RBFOX1: variants seen among roughly 807,000 people sequenced by gnomAD.
The protein encoded by RBFOX1 is RNA binding fox-1 homolog 1, also known as RNA binding protein fox-1 homolog 1.
Under a neutral mutation model 57.7 loss-of-function variants are expected in RBFOX1, and 8 were observed. The observed-to-expected ratio is 0.14, with a 90% CI of 0.08 to 0.25. The LOEUF (loss-of-function observed/expected upper bound fraction) is 0.25. RBFOX1 is among the 10% of genes least tolerant of loss of function. The pLI is 1.00. For missense variants in RBFOX1, 611 were observed against 548.5 expected (o/e 1.11, Z -1.14); for synonymous variants, 326 against 222.4 (o/e 1.47, Z -4.15).
intron 4 of RBFOX1, among the ~76,000 whole-genome samples, chr16:7,420,040 G>A (rs189278158): frequency 6.7e-6 from 1 of 149,790 alleles, no homozygotes; most frequent in East Asian, 2.0e-4. Context: ...TGTTGTCACT[G>A]TTTCTTTTCA....
chr16:6,483,522 C>A, intron 2 of RBFOX1: 1 of 1,535,650 alleles, frequency 6.5e-7, no homozygotes, highest in Non-Finnish European at 8.7e-7. Context: ...CAGCTAATTG[C>A]AGTCGTGGGA....
At chr16:6,289,029 A>G (rs996816076) in intron 1 of RBFOX1, among the ~76,000 whole-genome samples, 3 of 152,132 alleles carry the variant, frequency 2.0e-5, no homozygotes, top group Non-Finnish European at 4.4e-5. Context: ...TCTGAACAGA[A>G]TGAGCTTTTA....
chr16:6,925,183 G>C (rs1245650047), intron 3 of RBFOX1, among the ~76,000 whole-genome samples: 2 of 114,308 alleles, frequency 1.7e-5, no homozygotes, highest in Non-Finnish European at 3.3e-5. Context: ...GCCTAGACTG[G>C]AGTGCAGTGG....
At chr16:6,442,949 A>G (rs1244413969) in intron 2 of RBFOX1, among the ~76,000 whole-genome samples, 1 of 152,210 alleles carries the variant, frequency 6.6e-6, no homozygotes, top group Non-Finnish European at 1.5e-5. Context: ...ATAAAAATGT[A>G]TCTTTCTGAG....
intron 3 of RBFOX1, among the ~76,000 whole-genome samples, chr16:6,857,063 G>A (rs946597135): frequency 6.6e-6 from 1 of 152,086 alleles, no homozygotes; most frequent in Non-Finnish European, 1.5e-5. Context: ...ATCATTGCTG[G>A]CTGGTTGTCT....
At chr16:6,562,894 T>A (rs1035653786) in intron 2 of RBFOX1, among the ~76,000 whole-genome samples, 1 of 145,162 alleles carries the variant, frequency 6.9e-6, no homozygotes, top group African/African-American at 2.6e-5. Context: ...TTTTTTTTTT[T>A]TTTTGCATAG....
At chr16:5,394,164 T>C (rs1472597195) in intron 1 of RBFOX1, among the ~76,000 whole-genome samples, 1 of 152,034 alleles carries the variant, frequency 6.6e-6, no homozygotes, top group African/African-American at 2.4e-5. Context: ...GCTGGAATTA[T>C]AGGCATGCAC....
intron 4 of RBFOX1, among the ~76,000 whole-genome samples, chr16:7,398,400 A>T (rs990813696): frequency 6.6e-6 from 1 of 152,182 alleles, no homozygotes; most frequent in Admixed American, 6.5e-5. Context: ...AAGATGTAAG[A>T]TTTTGTTAAT....
intron 4 of RBFOX1, among the ~76,000 whole-genome samples, chr16:7,362,336 T>A (rs1293450656): frequency 6.6e-6 from 1 of 151,226 alleles, no homozygotes; most frequent in South Asian, 2.1e-4. Context: ...TTTGTGTGTA[T>A]GTTAGTGTAT....
chr16:7,264,439 T>C (rs1261950973), intron 4 of RBFOX1, among the ~76,000 whole-genome samples: 3 of 152,192 alleles, frequency 2.0e-5, no homozygotes, highest in Admixed American at 1.3e-4. Flanking sequence ...GTCCAGTGTC[T>C]TGCTCAAACT....
At chr16:7,252,654 G>T (rs1013363214) in intron 4 of RBFOX1, among the ~76,000 whole-genome samples, 2 of 150,960 alleles carry the variant, frequency 1.3e-5, no homozygotes, top group Non-Finnish European at 2.9e-5. Flanking sequence ...ACTCATTGGT[G>T]TCAGCTACTT....
intron 3 of RBFOX1, among the ~76,000 whole-genome samples, chr16:6,921,467 C>T (rs559053324): frequency 1.1e-4 from 16 of 152,144 alleles, no homozygotes; most frequent in African/African-American, 2.9e-4. Context: ...TGACTGTTGG[C>T]CATAAACCAT....
At chr16:6,465,574 C>T (rs533737737) in intron 2 of RBFOX1, among the ~76,000 whole-genome samples, 83 of 150,876 alleles carry the variant, frequency 5.5e-4, no homozygotes, top group African/African-American at 2.0e-3. Flanking sequence ...AGATCAGAGT[C>T]TTCTCAGTTA....
In RBFOX1 at chr16:6,301,798, A is replaced by G. The variant is rs527957985; in HGVS notation, c.-126-15197A>G. Among the ~76,000 whole-genome samples the G allele has an allele frequency of 4.6e-5, 7 of 152,334 alleles. No individual in the cohort carries two copies. In the South Asian group the frequency reaches 1.4e-3, roughly 32 times the overall value. On this transcript the variant is annotated intron_variant, in intron 1 of 15. Transcript: ENST00000550418. ...ATCTGGACCCAAAACATGAGGCTTT[A>G]CCTATTAAAAGTTAAGAATATTTAT... is the stretch of plus-strand genomic sequence containing the variant.
At chr16:6,362,164 C>G (rs2088667242) in intron 2 of RBFOX1, among the ~76,000 whole-genome samples, 1 of 152,020 alleles carries the variant, frequency 6.6e-6, no homozygotes, top group Admixed American at 6.6e-5. Context: ...CAAAACAAGT[C>G]CTGCCCACCC....
Position 6,718,284 on chromosome 16 carries a change from G to C in RBFOX1, c.-16+63634G>C, listed in dbSNP as rs1224095784. Reference sequence around the variant, plus strand: ...TGGCACTATTCCACGTGCTGGGGTTGGAGTGGTGAATGGAACAGACGTGCC... The same window carrying C: ...TGGCACTATTCCACGTGCTGGGGTTCGAGTGGTGAATGGAACAGACGTGCC... On this transcript the variant is annotated intron_variant, in intron 3 of 15. Coordinates refer to ENST00000550418, the MANE Select transcript of RBFOX1 (RefSeq NM_018723.4). 2.0e-5 allele frequency among the ~76,000 whole-genome samples: 3 copies of C among 152,144 alleles called. No individual in the cohort carries two copies. The East Asian group carries it at 5.8e-4, about 29-fold the overall frequency.
chr16:5,861,338 G>C (rs971840389), intron 3 of RBFOX1, among the ~76,000 whole-genome samples: 3 of 152,186 alleles, frequency 2.0e-5, no homozygotes, highest in Non-Finnish European at 1.5e-5. Flanking sequence ...ATGTGAGCTG[G>C]AATGATGCAT....
intron 11 of RBFOX1, among the ~76,000 whole-genome samples, chr16:7,637,305 T>C (rs1313408483): frequency 6.6e-6 from 1 of 151,624 alleles, no homozygotes; most frequent in Non-Finnish European, 1.5e-5. Context: ...AAAGATATCA[T>C]GGGCAAATGC....
chr16:6,291,468 A>G (rs2077459004), intron 1 of RBFOX1, among the ~76,000 whole-genome samples: 1 of 152,136 alleles, frequency 6.6e-6, no homozygotes, highest in Non-Finnish European at 1.5e-5. Flanking sequence ...TAAAAGGAAA[A>G]TAAATCTTGG....
Sources: allele counts gnomAD v4.1 joint callset (sites outside exome capture counted in the v4.1 genomes callset), GRCh38; gene constraint gnomAD v4.1.1; transcripts MANE v1.5; gene names NCBI Gene and HGNC (gene_info 2026-07-23, HGNC 2026-07-21).